Variants in VPS53 observed in about 807,000 individuals in gnomAD.
The protein encoded by VPS53 is VPS53 subunit of GARP complex, also known as vacuolar protein sorting-associated protein 53 homolog.
In VPS53, 70 loss-of-function variants were observed where a neutral mutation model predicts 107.0. The observed-to-expected ratio is 0.65, with a 90% CI of 0.54 to 0.80. VPS53 has a LOEUF of 0.80. VPS53 is among the 30% of genes least tolerant of loss of function. VPS53 has a pLI of 0.00. For missense variants in VPS53, 917 were observed against 1,049.4 expected, an observed-to-expected ratio of 0.87 and a Z score of 1.74; for synonymous variants, 409 against 393.3, an observed-to-expected ratio of 1.04 and a Z score of -0.47.
At chr17:696,626 G>C (rs889577250) in intron 4 of VPS53, among the ~76,000 whole-genome samples, 1 of 151,950 alleles carries the variant, frequency 6.6e-6, no homozygotes, top group African/African-American at 2.4e-5. Context: ...AATAAAAAGG[G>C]AAATGGTTCA....
intron 4 of VPS53, chr17:673,647 T>C (rs1176891698): frequency 6.6e-6 from 1 of 152,232 alleles, no homozygotes; most frequent in African/African-American, 2.4e-5. Flanking sequence ...GCCCATCAGA[T>C]GAGAATCACT....
At chr17:551,837 G>C (rs370574638) in intron 17 of VPS53, 35 bp downstream of exon 17, 4 of 1,541,934 alleles carry the variant, frequency 2.6e-6, no homozygotes, top group East Asian at 2.4e-5. Flanking sequence ...GGCTGCTCTC[G>C]TTAGTTTGTA....
intron 4 of VPS53, among the ~76,000 whole-genome samples, chr17:683,170 C>T (rs1972464786): frequency 6.6e-6 from 1 of 152,018 alleles, no homozygotes; most frequent in Admixed American, 6.6e-5. Context: ...ATTAAATGTT[C>T]TAAAACACAT....
intron 13 of VPS53, among the ~76,000 whole-genome samples, chr17:568,857 T>C (rs934442666): frequency 1.6e-4 from 25 of 152,142 alleles, no homozygotes; most frequent in Admixed American, 5.9e-4. Context: ...GGTTCTAATA[T>C]AGAAGCAGGT....
chr17:617,868 A>T (rs78288217), intron 11 of VPS53, among the ~76,000 whole-genome samples: 2 of 34,484 alleles, frequency 5.8e-5, no homozygotes, highest in Non-Finnish European at 1.0e-4. Flanking sequence ...CGCCCCACTA[A>T]TATTTCCCGG....
chr17:535,628 G>A (rs1310667570), intron 18 of VPS53, among the ~76,000 whole-genome samples: 3 of 152,206 alleles, frequency 2.0e-5, no homozygotes, highest in Admixed American at 2.0e-4. Context: ...TTGAGTCACA[G>A]TAAATTTTTA....
intron 5 of VPS53, chr17:657,509 T>A: frequency 6.7e-7 from 1 of 1,488,608 alleles, no homozygotes; most frequent in Non-Finnish European, 9.4e-7. Context: ...GCTTTGGAGC[T>A]GCTACCCGCT....
intron 13 of VPS53, among the ~76,000 whole-genome samples, chr17:584,098 T>C (rs576174011): frequency 7.9e-5 from 12 of 152,350 alleles, no homozygotes; most frequent in South Asian, 6.2e-4. Flanking sequence ...AGAACCTCAG[T>C]GTGTTCCTGA....
intron 11 of VPS53, among the ~76,000 whole-genome samples, chr17:610,563 C>T (rs1968813717): frequency 1.3e-5 from 2 of 151,910 alleles, no homozygotes; most frequent in African/African-American, 4.8e-5. Flanking sequence ...AGAGTGAAAA[C>T]CCACAGATGG....
chr17:617,808 C>T (rs1253181442), intron 11 of VPS53, among the ~76,000 whole-genome samples: 2 of 126,170 alleles, frequency 1.6e-5, no homozygotes, highest in Non-Finnish European at 1.7e-5. Flanking sequence ...TGCGCCACCA[C>T]GCCCCACTAA....
At chr17:633,158 C>T (rs1362326044) in intron 7 of VPS53, among the ~76,000 whole-genome samples, 1 of 152,268 alleles carries the variant, frequency 6.6e-6, no homozygotes, top group Middle Eastern at 3.4e-3. Context: ...ATGGATCATA[C>T]CCCACGATCA....
intron 11 of VPS53, among the ~76,000 whole-genome samples, chr17:603,416 C>T (rs1015686685): frequency 2.0e-5 from 3 of 152,140 alleles, no homozygotes; most frequent in South Asian, 2.1e-4. Flanking sequence ...AGCGAGACTC[C>T]GTCTCAAAAA....
chr17:613,941 C>T (rs891167338), intron 11 of VPS53, among the ~76,000 whole-genome samples: 6 of 152,212 alleles, frequency 3.9e-5, no homozygotes, highest in African/African-American at 1.4e-4. Context: ...ACTATTCAGC[C>T]ATCAAAATGA....
At chr17:607,197 C>T (rs1968626193) in intron 11 of VPS53, among the ~76,000 whole-genome samples, 1 of 152,304 alleles carries the variant, frequency 6.6e-6, no homozygotes, top group South Asian at 2.1e-4. Flanking sequence ...CGTGGGCATG[C>T]AGGCTTAAAA....
intron 4 of VPS53, among the ~76,000 whole-genome samples, chr17:682,947 G>T (rs1048993159): frequency 6.6e-5 from 10 of 151,928 alleles, no homozygotes; most frequent in African/African-American, 2.4e-4. Context: ...AACAGATGAA[G>T]AATTGCAGCA....
chr17:710,476 A>G, intron 2 of VPS53, 57 bp downstream of exon 2: 1 of 1,370,338 alleles, frequency 7.3e-7, no homozygotes, highest in Non-Finnish European at 1.0e-6. Context: ...CACGAAGCAT[A>G]ACACCCAAGA....
At chr17:526,238 A>T (rs529361062) in intron 19 of VPS53, among the ~76,000 whole-genome samples, 1 of 152,236 alleles carries the variant, frequency 6.6e-6, no homozygotes, top group South Asian at 2.1e-4. Flanking sequence ...AAAAAAAATC[A>T]GTCATTATAT....
chr17:710,541 T>G lies in VPS53; in HGVS notation c.160A>C (p.Thr54Pro), dbSNP rs760997680. ...AVEYINTLFPTEQSLANIDEV... is the reference protein window; with the variant it reads ...AVEYINTLFPPEQSLANIDEV... The stretch of plus-strand genomic sequence containing the variant: ...CCTGAAACTCTACTTACTTGCTCGG[T>G]TGGGAACAGGGTATTGATATACTCA... The change falls in exon 2 of 22, where the codon ACC becomes CCC. Residue 54 changes from threonine (T) to proline (P), a missense_variant. Coordinates refer to ENST00000437048, the MANE Select transcript of VPS53 (RefSeq NM_001128159.3). The G allele has an allele frequency of 1.9e-6, 3 of 1,613,688 alleles. No individual in the cohort carries two copies. The highest frequency in any genetic ancestry group is 2.5e-6 in the Non-Finnish European group (3 of 1,179,760).
At chr17:694,971 T>C (rs909965964) in intron 4 of VPS53, among the ~76,000 whole-genome samples, 1 of 152,158 alleles carries the variant, frequency 6.6e-6, no homozygotes, top group South Asian at 2.1e-4. Context: ...TCCCAAAGTG[T>C]TGAGATTACA....
Sources: allele counts gnomAD v4.1 joint callset (sites outside exome capture counted in the v4.1 genomes callset), GRCh38; gene constraint gnomAD v4.1.1; transcripts MANE v1.5; gene names NCBI Gene and HGNC (gene_info 2026-07-23, HGNC 2026-07-21).